Variants in CTNNA3 observed in about 807,000 individuals in gnomAD.
CTNNA3 encodes the protein catenin alpha-3.
Under a neutral mutation model 95.7 loss-of-function variants are expected in CTNNA3, and 76 were observed. The ratio of observed to expected loss-of-function variants is 0.79; its 90% CI spans 0.66 to 0.96. CTNNA3 has a LOEUF of 0.96. Among genes scored for constraint, CTNNA3 ranks in the 40% least tolerant of loss-of-function variants. The pLI, the probability that CTNNA3 is intolerant of heterozygous loss-of-function variation, is 0.00. For missense variants in CTNNA3, 1,191 were observed against 1,089.8 expected, an observed-to-expected ratio of 1.09 and a Z score of -1.31; for synonymous variants, 431 against 374.4, an observed-to-expected ratio of 1.15 and a Z score of -1.74.
At chr10:67,154,731 T>G (rs564499082) in intron 7 of CTNNA3, among the ~76,000 whole-genome samples, 3 of 152,290 alleles carry the variant, frequency 2.0e-5, no homozygotes, top group Non-Finnish European at 2.9e-5. Context: ...AATGTTCATA[T>G]GAGCTGTATG....
intron 11 of CTNNA3, among the ~76,000 whole-genome samples, chr10:66,421,897 G>GATGTGTATATATATATATATATATATAT: frequency 4.6e-5 from 5 of 108,164 alleles, no homozygotes; most frequent in African/African-American, 1.7e-4. Context: ...TAATAAATGT[G>GATGTGTATATATATATATATATATATAT]ATATATATAT....
chr10:67,607,201 A>C, intron 2 of CTNNA3, 152 bp from the exon 3 acceptor site: 1 of 589,930 alleles, frequency 1.7e-6, no homozygotes, highest in Non-Finnish European at 3.0e-6. Context: ...TGAAAATCTG[A>C]GTATAACTTT....
chr10:67,376,948 T>G (rs1159007022), intron 5 of CTNNA3, among the ~76,000 whole-genome samples: 1 of 152,232 alleles, frequency 6.6e-6, no homozygotes, highest in Non-Finnish European at 1.5e-5. Context: ...CCCATAGCTA[T>G]GATGCCTTTT....
intron 8 of CTNNA3, among the ~76,000 whole-genome samples, chr10:66,767,211 G>C (rs1026275839): frequency 6.6e-6 from 1 of 151,916 alleles, no homozygotes; most frequent in Non-Finnish European, 1.5e-5. Context: ...ACTTTGGGAG[G>C]CCAAGGCAGG....
intron 11 of CTNNA3, among the ~76,000 whole-genome samples, chr10:66,407,288 T>TA (rs773876837): frequency 1.3e-5 from 2 of 148,486 alleles, no homozygotes; most frequent in Non-Finnish European, 2.9e-5. Flanking sequence ...AAAACACATC[T>TA]AAAAAAACCT....
chr10:65,991,595 G>T (rs1261345387), intron 15 of CTNNA3, among the ~76,000 whole-genome samples: 1 of 151,784 alleles, frequency 6.6e-6, no homozygotes, highest in Admixed American at 6.6e-5. Flanking sequence ...ATTTTTGTAT[G>T]TTGATTTAGT....
At chr10:66,549,945 G>T (rs1842163478) in intron 10 of CTNNA3, among the ~76,000 whole-genome samples, 2 of 152,010 alleles carry the variant, frequency 1.3e-5, no homozygotes, top group African/African-American at 2.4e-5. Flanking sequence ...TTTTCCAGTT[G>T]CATATACTAC....
At chr10:67,012,901 A>G (rs1420013867) in intron 7 of CTNNA3, 1 of 152,172 alleles carries the variant, frequency 6.6e-6, no homozygotes, top group African/African-American at 2.4e-5. Flanking sequence ...AGCAATCATT[A>G]ATTAGCAGCA....
At chr10:65,985,138 G>C (rs1274375696) in intron 16 of CTNNA3, among the ~76,000 whole-genome samples, 1 of 150,724 alleles carries the variant, frequency 6.6e-6, no homozygotes, top group Non-Finnish European at 1.5e-5. Context: ...TATTTAATAG[G>C]AGAGAGTTCT....
At chr10:66,373,404 C>T (rs1221085618) in intron 12 of CTNNA3, among the ~76,000 whole-genome samples, 2 of 152,030 alleles carry the variant, frequency 1.3e-5, no homozygotes, top group Non-Finnish European at 2.9e-5. Flanking sequence ...TTCTTCAACT[C>T]ATAATGTCAC....
chr10:66,804,763 T>C (rs1841573556), intron 7 of CTNNA3, among the ~76,000 whole-genome samples: 3 of 152,020 alleles, frequency 2.0e-5, no homozygotes, highest in South Asian at 4.1e-4. Context: ...TTTTATGGAG[T>C]TAGAAATTGG....
At chr10:65,928,171 T>A (rs2077196210) in intron 17 of CTNNA3, among the ~76,000 whole-genome samples, 1 of 152,208 alleles carries the variant, frequency 6.6e-6, no homozygotes, top group South Asian at 2.1e-4. Context: ...TTTGTATTAA[T>A]TTTTGTATAT....
In CTNNA3 at chr10:66,647,040, G is replaced by A. The variant is rs185579423; in HGVS notation, c.1282-25256C>T. Among the ~76,000 whole-genome samples, 86 of 152,024 alleles carry A rather than the reference G, an allele frequency of 5.7e-4. 2 individuals carry two copies. The highest frequency in any genetic ancestry group is 2.6e-4 in the Admixed American group (4 of 15,274). On this transcript the variant is annotated intron_variant, in intron 9 of 17. Coordinates refer to ENST00000433211, the MANE Select transcript of CTNNA3 (RefSeq NM_013266.4). ...AGAAAAAAAAAAAGAAAAAGAATGCGGCTGCACCTCAGACTCCATGAGAAG... is the reference window on the plus strand; with the variant it reads ...AGAAAAAAAAAAAGAAAAAGAATGCAGCTGCACCTCAGACTCCATGAGAAG...
chr10:66,739,574 T>G (rs1849258263), intron 9 of CTNNA3, among the ~76,000 whole-genome samples: 1 of 152,216 alleles, frequency 6.6e-6, no homozygotes, highest in Admixed American at 6.5e-5. Context: ...TTTATGCATT[T>G]TACTATTAGA....
Position 67,136,166 on chromosome 10 carries a change from GT to G in CTNNA3, c.1047+44150del, listed in dbSNP as rs548634917. The stretch of plus-strand genomic sequence containing the variant: ...GTTATCTGTTCATCTGGGTTTTTTT[GT>G]TTGGTTGGTTTTTTTACCAGTCATT... On this transcript the variant is annotated intron_variant, in intron 7 of 17. Transcript: ENST00000433211. 2.2e-4 allele frequency among the ~76,000 whole-genome samples: 34 copies of G among 151,878 alleles called. No individual in the cohort carries two copies. The South Asian group carries it at 6.8e-3, about 31-fold the overall frequency.
At chr10:66,416,263 C>T (rs1056574046) in intron 11 of CTNNA3, among the ~76,000 whole-genome samples, 3 of 130,126 alleles carry the variant, frequency 2.3e-5, no homozygotes, top group East Asian at 2.0e-4. Flanking sequence ...CCCTCAGACA[C>T]ATTTTTTAAA....
At chr10:67,076,512 CCTT>C (rs1294316142) in intron 7 of CTNNA3, among the ~76,000 whole-genome samples, 2 of 152,142 alleles carry the variant, frequency 1.3e-5, no homozygotes, top group Non-Finnish European at 2.9e-5. Flanking sequence ...AATGCCAAGC[CCTT>C]CTTCTTATAA....
intron 9 of CTNNA3, among the ~76,000 whole-genome samples, chr10:66,627,970 A>T (rs1456622247): frequency 1.3e-5 from 2 of 152,116 alleles, no homozygotes. Flanking sequence ...TGTCTCTTCC[A>T]CAAACTCTTT....
chr10:66,400,937 A>T (rs2132558435), intron 11 of CTNNA3, among the ~76,000 whole-genome samples: 1 of 152,212 alleles, frequency 6.6e-6, no homozygotes, highest in Non-Finnish European at 1.5e-5. Flanking sequence ...ACTGTCTGAT[A>T]AGTACTGGGA....
Sources: allele counts gnomAD v4.1 joint callset (sites outside exome capture counted in the v4.1 genomes callset), GRCh38; gene constraint gnomAD v4.1.1; transcripts MANE v1.5; gene names NCBI Gene and HGNC (gene_info 2026-07-23, HGNC 2026-07-21).